MYT1L: variants seen among roughly 807,000 people sequenced by gnomAD.
The protein encoded by MYT1L is myelin transcription factor 1-like protein.
A neutral mutation model predicts 126.7 loss-of-function variants in MYT1L; 12 were observed. The ratio of observed to expected loss-of-function variants is 0.09; its 90% confidence interval spans 0.06 to 0.15. MYT1L has a LOEUF of 0.15. MYT1L is among the 10% of genes least tolerant of loss of function. The probability of loss-of-function intolerance (pLI) is 1.00; values close to 1 mark genes in which losing one functional copy is unlikely to be tolerated. For missense variants in MYT1L, 979 were observed against 1,585.2 expected (o/e 0.62, Z 6.49); for synonymous variants, 541 against 604.2 (o/e 0.90, Z 1.53).
At chr2:1,832,530 C>T (rs1252982746) in intron 21 of MYT1L, among the ~76,000 whole-genome samples, 2 of 152,244 alleles carry the variant, frequency 1.3e-5, no homozygotes, top group African/African-American at 2.4e-5. Context: ...CCTGCTCATT[C>T]TGTTTCCTAA....
chr2:2,151,504 A>T (rs779999918), intron 3 of MYT1L, among the ~76,000 whole-genome samples: 5 of 152,148 alleles, frequency 3.3e-5, no homozygotes, highest in Non-Finnish European at 4.4e-5. Context: ...CACCCTAAGA[A>T]GCTGAGTCCA....
chr2:2,315,978 G>C (rs1446610169), intron 1 of MYT1L, among the ~76,000 whole-genome samples: 1 of 152,024 alleles, frequency 6.6e-6, no homozygotes, highest in Non-Finnish European at 1.5e-5. Context: ...TTAGAGAAAA[G>C]TTCCACATGT....
intron 1 of MYT1L, among the ~76,000 whole-genome samples, chr2:2,321,115 T>A (rs778532731): frequency 3.3e-5 from 5 of 152,234 alleles, no homozygotes; most frequent in Non-Finnish European, 7.3e-5. Context: ...TTCTTACAGA[T>A]GTTGATGAGT....
At chr2:2,205,530 T>C (rs1228007943) in intron 2 of MYT1L, among the ~76,000 whole-genome samples, 1 of 152,174 alleles carries the variant, frequency 6.6e-6, no homozygotes, top group African/African-American at 2.4e-5. Context: ...CAGGGGAACA[T>C]CCAAACTCAA....
At chr2:1,934,382 C>G (rs1226025268) in intron 9 of MYT1L, among the ~76,000 whole-genome samples, 1 of 150,766 alleles carries the variant, frequency 6.6e-6, no homozygotes, top group African/African-American at 2.4e-5. Context: ...ACCAGCAGAG[C>G]AGCACACATG....
intron 3 of MYT1L, among the ~76,000 whole-genome samples, chr2:2,107,984 C>G (rs1054994070): frequency 6.6e-6 from 1 of 152,154 alleles, no homozygotes; most frequent in Non-Finnish European, 1.5e-5. Flanking sequence ...TCATTAGAGT[C>G]AATATCTAAG....
In MYT1L at chr2:1,790,208, C is replaced by T. The variant is rs2031811164; in HGVS notation, c.*1659G>A. The stretch of plus-strand genomic sequence containing the variant: ...CAATGACCCTGTAAGTCCTGTTCTG[C>T]TAAAAATATTTTTTTTTTATTTTTA... On this transcript the variant is annotated 3_prime_UTR_variant, in exon 25 of 25. Transcript: ENST00000647738. 1.0e-5 allele frequency: 1 copy of T among 95,904 alleles called. No homozygotes were observed. Among genetic ancestry groups the T allele is most frequent in the Non-Finnish European group, 2.3e-5 (1 of 44,374 alleles). 5.9% of individuals were successfully genotyped at this position (95,904 alleles called of 1,614,324 possible).
At chr2:2,267,823 A>C (rs920876294) in intron 2 of MYT1L, among the ~76,000 whole-genome samples, 2 of 152,144 alleles carry the variant, frequency 1.3e-5, no homozygotes, top group Non-Finnish European at 2.9e-5. Flanking sequence ...ATGAGAGTTA[A>C]AATCATGGAA....
chr2:2,277,150 T>A (rs1384372170), intron 2 of MYT1L, among the ~76,000 whole-genome samples: 1 of 151,886 alleles, frequency 6.6e-6, no homozygotes, highest in African/African-American at 2.4e-5. Context: ...CCCGGCTAAT[T>A]TTTTTTGTAT....
intron 3 of MYT1L, among the ~76,000 whole-genome samples, chr2:2,130,426 C>A (rs898496963): frequency 6.6e-6 from 1 of 152,152 alleles, no homozygotes; most frequent in African/African-American, 2.4e-5. Context: ...TGATCCAATA[C>A]ACAGGCATCC....
At chr2:2,134,603 A>G (rs1013244044) in intron 3 of MYT1L, among the ~76,000 whole-genome samples, 7 of 152,222 alleles carry the variant, frequency 4.6e-5, no homozygotes, top group African/African-American at 1.2e-4. Flanking sequence ...AGAGAAAGAG[A>G]GACCAGAGCT....
chr2:2,143,517 G>T (rs940229522), intron 3 of MYT1L, among the ~76,000 whole-genome samples: 1 of 152,024 alleles, frequency 6.6e-6, no homozygotes, highest in Non-Finnish European at 1.5e-5. Flanking sequence ...GTCCTCTCAG[G>T]GGGTAGGAGC....
At chr2:2,004,210 T>TTCTCTCCTGCAGGC (rs1558696949) in intron 4 of MYT1L, among the ~76,000 whole-genome samples, 1 of 48,434 alleles carries the variant, frequency 2.1e-5, no homozygotes, top group Non-Finnish European at 4.0e-5. Context: ...TTCCTGAATG[T>TTCTCTCCTGCAGGC]GTTCTTTCCT....
chr2:2,012,880 C>T (rs1425118356), intron 4 of MYT1L, among the ~76,000 whole-genome samples: 1 of 152,116 alleles, frequency 6.6e-6, no homozygotes, highest in Non-Finnish European at 1.5e-5. Context: ...GATAGAGCAC[C>T]GAGGCCGGCT....
At chr2:2,269,261 ATT>A (rs1370886869) in intron 2 of MYT1L, among the ~76,000 whole-genome samples, 2 of 152,362 alleles carry the variant, frequency 1.3e-5, no homozygotes, top group Admixed American at 1.3e-4. Flanking sequence ...TTGAATTTGT[ATT>A]GAGATCAAAT....
In MYT1L at chr2:2,059,175, C is replaced by T. The variant is rs2070042258; in HGVS notation, c.-303-5052G>A. On this transcript the variant is annotated intron_variant, in intron 3 of 24. Transcript: ENST00000647738. The surrounding 1 kb of genome is among the most constrained non-coding windows in gnomAD (Gnocchi z 4.7). Reference sequence around the variant, plus strand: ...GAACTGAATGGCCGTTCCCATTTCTCTGAACAAAGGGTGCCTGGCTGAGTG... The same window carrying T: ...GAACTGAATGGCCGTTCCCATTTCTTTGAACAAAGGGTGCCTGGCTGAGTG... Among the ~76,000 whole-genome samples the T allele has an allele frequency of 6.6e-6, 1 of 152,202 alleles. No individual in the cohort carries two copies. The highest frequency in any genetic ancestry group is 2.4e-5 in the African/African-American group (1 of 41,450).
Position 2,272,460 on chromosome 2 carries a change from T to C in MYT1L, c.-421+11944A>G, listed in dbSNP as rs114342723. On this transcript the variant is annotated intron_variant, in intron 2 of 24. Transcript: ENST00000647738. ...CTACTTCTCCATCTCATTTCTTTGC[T>C]TAAAAAAAGTAATGGTCAGATCTCA... 4.7e-3 allele frequency among the ~76,000 whole-genome samples: 716 copies of C among 152,242 alleles called. 7 individuals carry two copies. Among genetic ancestry groups the C allele is most frequent in the African/African-American group, 0.017 (691 of 41,540 alleles).
chr2:2,116,713 C>G (rs550819266), intron 3 of MYT1L, among the ~76,000 whole-genome samples: 2 of 152,350 alleles, frequency 1.3e-5, no homozygotes, highest in South Asian at 4.1e-4. Flanking sequence ...GGAAGATCCG[C>G]CCCCGGGAAA....
intron 18 of MYT1L, among the ~76,000 whole-genome samples, chr2:1,879,094 C>A (rs955928361): frequency 3.3e-5 from 5 of 152,182 alleles, no homozygotes; most frequent in Non-Finnish European, 4.4e-5. Flanking sequence ...GCAGACGTGG[C>A]TGTGAGCTTT....
Sources: allele counts gnomAD v4.1 joint callset (sites outside exome capture counted in the v4.1 genomes callset), GRCh38; gene constraint gnomAD v4.1.1; non-coding constraint Gnocchi (gnomAD v3.1); transcripts MANE v1.5; gene names NCBI Gene and HGNC (gene_info 2026-07-23, HGNC 2026-07-21).